TMEM117: variants seen among roughly 807,000 people sequenced by gnomAD.
The protein encoded by TMEM117 is transmembrane protein 117.
Under a neutral mutation model 52.4 loss-of-function variants are expected in TMEM117, and 27 were observed. The observed-to-expected ratio is 0.51, with a 90% CI of 0.38 to 0.71. The LOEUF is 0.71. TMEM117 is among the 30% of genes least tolerant of loss of function. TMEM117 has a pLI of 0.00. For synonymous variants in TMEM117, 215 were observed against 206.3 expected (o/e 1.04, Z -0.36); for missense variants, 556 against 630.5 (o/e 0.88, Z 1.26).
the TMEM117 span, chr12:43,796,865 A>G: frequency 5.8e-6 from 7 of 1,199,684 alleles, no homozygotes; most frequent in African/African-American, 3.1e-5. Flanking sequence ...ATTTAGGATG[A>G]TAACAAGAAA....
intron 3 of TMEM117, among the ~76,000 whole-genome samples, chr12:43,977,144 A>G (rs767628249): frequency 2.5e-4 from 38 of 152,182 alleles, no homozygotes; most frequent in Admixed American, 3.9e-4. Context: ...TAAATACCCT[A>G]TGAGAGTTGT....
At chr12:44,344,252 C>T (rs1423549446) in intron 6 of TMEM117, among the ~76,000 whole-genome samples, 2 of 151,852 alleles carry the variant, frequency 1.3e-5, no homozygotes, top group Non-Finnish European at 2.9e-5. Flanking sequence ...TTTTTATATC[C>T]CTAGAGGAGA....
At chr12:44,215,976 A>G (rs1949711288) in intron 5 of TMEM117, among the ~76,000 whole-genome samples, 1 of 151,254 alleles carries the variant, frequency 6.6e-6, no homozygotes, top group Non-Finnish European at 1.5e-5. Flanking sequence ...GATGCACTGA[A>G]AGGAGCTCCT....
intron 3 of TMEM117, among the ~76,000 whole-genome samples, chr12:43,961,695 A>T (rs749152289): frequency 1.3e-5 from 2 of 152,216 alleles, no homozygotes; most frequent in Non-Finnish European, 2.9e-5. Flanking sequence ...GGATGATAGC[A>T]TGGGAATTAA....
chr12:44,310,040 A>G lies in TMEM117; in HGVS notation c.768+10301A>G, dbSNP rs368182370. Among the ~76,000 whole-genome samples the G allele has an allele frequency of 5.1e-4, 77 of 152,266 alleles. No individual in the cohort carries two copies. The South Asian group carries it at 0.015, about 30-fold the overall frequency. ...ATCCACTTTTCTCGTTGATAGCATG[A>G]CAGTTTTTTCCTTCCTCTTGTTACA... On this transcript the variant is annotated intron_variant, in intron 6 of 7. Coordinates refer to ENST00000266534, the MANE Select transcript of TMEM117 (RefSeq NM_032256.3).
At chr12:44,066,666 A>G (rs1947225987) in intron 3 of TMEM117, among the ~76,000 whole-genome samples, 1 of 151,380 alleles carries the variant, frequency 6.6e-6, no homozygotes, top group Non-Finnish European at 1.5e-5. Flanking sequence ...TAACTCAGTT[A>G]AAAAAACTTA....
At chr12:43,998,505 G>A (rs1475912301) in intron 3 of TMEM117, among the ~76,000 whole-genome samples, 2 of 152,172 alleles carry the variant, frequency 1.3e-5, no homozygotes, top group African/African-American at 2.4e-5. Context: ...TTAGGTTAAT[G>A]TCTACCATAT....
intron 4 of TMEM117, among the ~76,000 whole-genome samples, chr12:44,173,000 C>G (rs1156470982): frequency 6.6e-6 from 1 of 152,242 alleles, no homozygotes; most frequent in Non-Finnish European, 1.5e-5. Context: ...GCCGGGATTA[C>G]AGGCGTGGGC....
At chr12:44,104,944 C>G (rs528678204) in intron 3 of TMEM117, among the ~76,000 whole-genome samples, 2 of 151,878 alleles carry the variant, frequency 1.3e-5, no homozygotes, top group South Asian at 4.2e-4. Context: ...TATGATATGC[C>G]TAGATGTAGA....
At chr12:43,866,754 G>A (rs1327586755) in intron 2 of TMEM117, among the ~76,000 whole-genome samples, 1 of 152,100 alleles carries the variant, frequency 6.6e-6, no homozygotes, top group African/African-American at 2.4e-5. Context: ...ATAAATATAG[G>A]GCTCAATTAG....
chr12:43,967,051 C>A (rs558835962), intron 3 of TMEM117, among the ~76,000 whole-genome samples: 264 of 152,128 alleles, frequency 1.7e-3, no homozygotes, highest in African/African-American at 6.1e-3. Flanking sequence ...ATTCTTTTCC[C>A]CTTAAGTATA....
intron 4 of TMEM117, among the ~76,000 whole-genome samples, chr12:44,177,625 T>C (rs1332019949): frequency 6.6e-6 from 1 of 152,168 alleles, no homozygotes; most frequent in Non-Finnish European, 1.5e-5. Context: ...TTCACCATGC[T>C]TCAGGAAAGT....
chr12:44,344,103 A>T (rs1031673968), intron 6 of TMEM117, among the ~76,000 whole-genome samples: 1 of 152,140 alleles, frequency 6.6e-6, no homozygotes, highest in Non-Finnish European at 1.5e-5. Flanking sequence ...AAGTAGGGAG[A>T]GCAGGCTTGC....
chr12:44,008,835 G>T (rs1246463732), intron 3 of TMEM117: 2 of 442,938 alleles, frequency 4.5e-6, no homozygotes, highest in Non-Finnish European at 4.5e-6. Context: ...TGAATTATTT[G>T]GTATGTGTGT....
chr12:43,812,520 T>C, the TMEM117 span, among the ~76,000 whole-genome samples: 2 of 152,196 alleles, frequency 1.3e-5, no homozygotes, highest in African/African-American at 2.4e-5. Context: ...ATTTACATAC[T>C]AGTGAGAGAA....
intron 3 of TMEM117, among the ~76,000 whole-genome samples, chr12:43,950,365 A>C (rs1382531672): frequency 6.6e-6 from 1 of 152,258 alleles, no homozygotes; most frequent in Admixed American, 6.5e-5. Context: ...TTGATTGGCT[A>C]TACAGCTGGT....
chr12:44,285,398 C>T (rs1950626130), intron 5 of TMEM117, among the ~76,000 whole-genome samples: 1 of 152,136 alleles, frequency 6.6e-6, no homozygotes, highest in South Asian at 2.1e-4. Context: ...AAGATAAGTT[C>T]ATAACTGCAT....
intron 5 of TMEM117, among the ~76,000 whole-genome samples, chr12:44,246,757 A>G (rs1950135411): frequency 6.6e-6 from 1 of 152,200 alleles, no homozygotes; most frequent in Non-Finnish European, 1.5e-5. Flanking sequence ...AACCTCTCCA[A>G]ACAGTAACAG....
chr12:44,129,088 T>C (rs1224075343), intron 3 of TMEM117, among the ~76,000 whole-genome samples: 1 of 152,212 alleles, frequency 6.6e-6, no homozygotes, highest in Non-Finnish European at 1.5e-5. Context: ...AGCTTGCTCC[T>C]GCATAGTTCC....
Sources: allele counts gnomAD v4.1 joint callset (sites outside exome capture counted in the v4.1 genomes callset), GRCh38; gene constraint gnomAD v4.1.1; transcripts MANE v1.5; gene names NCBI Gene and HGNC (gene_info 2026-07-23, HGNC 2026-07-21).